MYO9B: variants seen among roughly 807,000 people sequenced by gnomAD.
MYO9B encodes myosin IXB.
In MYO9B, 71 loss-of-function variants were observed where a neutral mutation model predicts 229.5. The observed-to-expected ratio is 0.31, with a 90% confidence interval of 0.26 to 0.38. The LOEUF (loss-of-function observed/expected upper bound fraction) is 0.38, where lower values mean the gene tolerates loss of function less well. Ranked by LOEUF, MYO9B falls within the 10% of genes least tolerant of loss-of-function variation. MYO9B has a pLI of 1.00. For missense variants in MYO9B, 2,255 were observed against 2,920.5 expected (o/e 0.77, Z 5.25); for synonymous variants, 1,185 against 1,235.8 (o/e 0.96, Z 0.86).
intron 30 of MYO9B, 75 bp from the exon 31 acceptor site, chr19:17,205,188 G>A: frequency 8.1e-7 from 1 of 1,232,228 alleles, no homozygotes; most frequent in Non-Finnish European, 1.2e-6. Context: ...GCGGCCCCCG[G>A]CCAGCTGGGT....
At chr19:17,155,448 T>C (rs2072526610) in intron 6 of MYO9B, among the ~76,000 whole-genome samples, 1 of 152,164 alleles carries the variant, frequency 6.6e-6, no homozygotes, top group African/African-American at 2.4e-5. Context: ...CCCAGCATGC[T>C]GGAATTACAA....
In MYO9B at chr19:17,145,413, A is replaced by G; in HGVS notation, c.857A>G (p.Lys286Arg). ...TCCTTGCAGGCTTTTGGAAATGCCAAGACAGCCCACAACAACAACTCCAGC... is the reference window on the plus strand; with the variant it reads ...TCCTTGCAGGCTTTTGGAAATGCCAGGACAGCCCACAACAACAACTCCAGC... The part of the protein sequence containing the change: ...GPVLEAFGNA[K>R]TAHNNNSSRF... Residue 286 changes from lysine (K) to arginine (R), a missense_variant, in exon 3 of 40, where the codon AAG becomes AGG. Lys to Arg is a conservative substitution (Grantham distance 26). Transcript: ENST00000682292. 2 of 1,614,028 alleles carry G rather than the reference A, an allele frequency of 1.2e-6. No individual in the cohort carries two copies. Among genetic ancestry groups the G allele is most frequent in the Non-Finnish European group, 1.7e-6 (2 of 1,179,892 alleles).
At chr19:17,173,506 G>T (rs2072748908) in intron 13 of MYO9B, among the ~76,000 whole-genome samples, 1 of 151,956 alleles carries the variant, frequency 6.6e-6, no homozygotes, top group Admixed American at 6.6e-5. Context: ...GTTTCGCCCT[G>T]TTGGCCAGGC....
At chr19:17,198,071 A>G (rs1475416837) in intron 23 of MYO9B, 113 bp from the exon 24 acceptor site, 8 of 1,486,138 alleles carry the variant, frequency 5.4e-6, no homozygotes, top group Admixed American at 4.7e-5. Context: ...TCAAAAAAAA[A>G]AAAAGCAGGA....
chr19:17,115,081 T>C (rs2057888428), intron 2 of MYO9B, among the ~76,000 whole-genome samples: 1 of 152,026 alleles, frequency 6.6e-6, no homozygotes, highest in Admixed American at 6.6e-5. Context: ...CTCAACCTCC[T>C]AGGCTCAAGT....
At chr19:17,127,930 G>T (rs554984808) in intron 2 of MYO9B, among the ~76,000 whole-genome samples, 1 of 152,342 alleles carries the variant, frequency 6.6e-6, no homozygotes, top group East Asian at 1.9e-4. Flanking sequence ...CTAAGGCAGA[G>T]ATTTTTCCAA....
Position 17,167,958 on chromosome 19 carries a change from G to A in MYO9B, c.1687G>A (p.Glu563Lys). 1.3e-6 allele frequency: 2 copies of A among 1,579,384 alleles called. No individual in the cohort carries two copies. The highest frequency in any genetic ancestry group is 8.6e-7 in the Non-Finnish European group (1 of 1,162,492). The change falls in exon 11 of 40, where the codon GAG (glutamate) becomes AAG (lysine). Residue 563 changes from glutamate (E) to lysine (K), a missense_variant. Glu to Lys is a moderately conservative substitution (Grantham distance 56). This residue lies in a region of MYO9B where 220 missense variants were observed against 404.5 expected (regional missense o/e 0.54). Coordinates refer to ENST00000682292, the MANE Select transcript of MYO9B (RefSeq NM_004145.4). ...ACCCCTGCAGGAGGAATATCAGGGC[G>A]AGGGGATCACGTGGCACAACATCGG... ...FKLEQEEYQGEGITWHNIGYT... is the reference protein window; with the variant it reads ...FKLEQEEYQGKGITWHNIGYT...
At chr19:17,095,055 A>G (rs1340532475) in intron 1 of MYO9B, among the ~76,000 whole-genome samples, 1 of 152,186 alleles carries the variant, frequency 6.6e-6, no homozygotes, top group Non-Finnish European at 1.5e-5. Flanking sequence ...CCTGGCCAAC[A>G]TGGCGAAACT....
intron 1 of MYO9B, among the ~76,000 whole-genome samples, chr19:17,090,953 C>T (rs1464423871): frequency 1.3e-5 from 2 of 152,146 alleles, no homozygotes; most frequent in African/African-American, 4.8e-5. Context: ...GGGCAGGGAT[C>T]TTAAGCCACA....
At chr19:17,087,708 T>C (rs1483253015) in intron 1 of MYO9B, among the ~76,000 whole-genome samples, 4 of 152,098 alleles carry the variant, frequency 2.6e-5, no homozygotes, top group Non-Finnish European at 5.9e-5. Context: ...GGCGGGTGGA[T>C]CACCTGAAGT....
At chr19:17,182,878 C>G (rs1017827241) in intron 15 of MYO9B, among the ~76,000 whole-genome samples, 1 of 152,142 alleles carries the variant, frequency 6.6e-6, no homozygotes, top group South Asian at 2.1e-4. Context: ...TCTGAGAACA[C>G]AGGAGCTATC....
At chr19:17,154,114 C>A in intron 5 of MYO9B, 48 bp downstream of exon 5, 1 of 1,552,218 alleles carries the variant, frequency 6.4e-7, no homozygotes, top group Non-Finnish European at 8.9e-7. Flanking sequence ...TGTTCCCGGC[C>A]TCAAGCTGTT....
chr19:17,163,847 G>A (rs2072631125), intron 10 of MYO9B, among the ~76,000 whole-genome samples: 1 of 152,134 alleles, frequency 6.6e-6, no homozygotes, highest in Admixed American at 6.6e-5. Context: ...TCCATTTTCT[G>A]GATGTACCAC....
chr19:17,178,107 C>T (rs902655554), intron 14 of MYO9B, among the ~76,000 whole-genome samples: 4 of 152,196 alleles, frequency 2.6e-5, no homozygotes, highest in African/African-American at 4.8e-5. Flanking sequence ...AAGCCGTGGC[C>T]GCTGCACTGA....
chr19:17,139,520 A>G (rs751810697), intron 2 of MYO9B, among the ~76,000 whole-genome samples: 1 of 152,190 alleles, frequency 6.6e-6, no homozygotes, highest in Non-Finnish European at 1.5e-5. Flanking sequence ...CAAAGTATGC[A>G]GATTGCTTGA....
At chr19:17,115,740 G>A (rs1025162922) in intron 2 of MYO9B, among the ~76,000 whole-genome samples, 4 of 151,848 alleles carry the variant, frequency 2.6e-5, no homozygotes, top group African/African-American at 7.3e-5. Context: ...AAAGTGCTGG[G>A]ATTACAGGTG....
intron 2 of MYO9B, among the ~76,000 whole-genome samples, chr19:17,120,638 C>CAAAAAAAAAA (rs59262657): frequency 1.1e-5 from 1 of 87,014 alleles, no homozygotes; most frequent in South Asian, 4.3e-4. Flanking sequence ...GACTCTGTCT[C>CAAAAAAAAAA]AAAAAAAAAA....
Position 17,195,493 on chromosome 19 carries a change from T to C in MYO9B, c.4046+20T>C, listed in dbSNP as rs546968037. 1.1e-3 allele frequency: 1,690 copies of C among 1,571,486 alleles called. 23 individuals are homozygous for C. The South Asian group carries it at 0.019, about 17-fold the overall frequency. Reference sequence around the variant, plus strand: ...CACAGAGTAAGCCCCACACCCTCTTTTGTCTGAGCACCAGGGTCCAGGCCA... The same window carrying C: ...CACAGAGTAAGCCCCACACCCTCTTCTGTCTGAGCACCAGGGTCCAGGCCA... On this transcript the variant is annotated intron_variant, in intron 22 of 39. Transcript: ENST00000682292. This position sits in a 1 kb window ranked among gnomAD's most constrained non-coding sequence, Gnocchi z 4.5.
chr19:17,182,999 G>A (rs1217647749), intron 15 of MYO9B, among the ~76,000 whole-genome samples: 1 of 151,968 alleles, frequency 6.6e-6, no homozygotes, highest in East Asian at 1.9e-4. Flanking sequence ...TCGGCTCACT[G>A]CAACCTCCGC....
Sources: gnomAD v4.1 joint callset for allele counts (sites outside exome capture counted in the v4.1 genomes callset) on GRCh38, gnomAD v4.1.1 for gene constraint, gnomAD v4.1.1 regional missense constraint, Gnocchi (gnomAD v3.1) non-coding constraint, MANE v1.5 for transcripts, NCBI Gene and HGNC (gene_info 2026-07-23, HGNC 2026-07-21) for gene names.